NTM: variants seen among roughly 807,000 people sequenced by gnomAD.
The protein encoded by NTM is neurotrimin.
In NTM, 13 loss-of-function variants were observed where a neutral mutation model predicts 42.1. The observed-to-expected ratio is 0.31, with a 90% CI of 0.20 to 0.49. The LOEUF (loss-of-function observed/expected upper bound fraction) is 0.49, where lower values mean the gene tolerates loss of function less well. Among genes scored for constraint, NTM ranks in the 20% least tolerant of loss-of-function variants. The probability of loss-of-function intolerance (pLI) is 0.99; values close to 1 mark genes in which losing one functional copy is unlikely to be tolerated. For synonymous variants in NTM, 187 were observed against 179.2 expected (o/e 1.04, Z -0.35); for missense variants, 373 against 452.8 (o/e 0.82, Z 1.60).
chr11:131,421,895 T>G (rs1176911129), intron 1 of NTM, among the ~76,000 whole-genome samples: 3 of 152,198 alleles, frequency 2.0e-5, no homozygotes, highest in Admixed American at 1.3e-4. Context: ...GGGTTGTGCC[T>G]GTAAATGCAT....
chr11:132,126,353 T>A (rs1160332790), intron 2 of NTM, among the ~76,000 whole-genome samples: 1 of 152,066 alleles, frequency 6.6e-6, no homozygotes, highest in Non-Finnish European at 1.5e-5. Context: ...TGCCAGTTAT[T>A]TATTATGGGA....
chr11:131,633,620 C>CCTCTCTCCCTCT (rs2063909523), intron 1 of NTM, among the ~76,000 whole-genome samples: 1 of 108,986 alleles, frequency 9.2e-6, no homozygotes, highest in Admixed American at 1.0e-4. Context: ...TCACTCTCTC[C>CCTCTCTCCCTCT]CTCTCTCTAT....
intron 1 of NTM, among the ~76,000 whole-genome samples, chr11:131,890,178 G>T (rs142421422): frequency 1.8e-5 from 1 of 56,518 alleles, no homozygotes; most frequent in Non-Finnish European, 3.9e-5. Context: ...CTCTCTCTCT[G>T]TCTCTCTCTC....
chr11:131,472,488 T>A (rs1200542007), intron 1 of NTM, among the ~76,000 whole-genome samples: 1 of 152,042 alleles, frequency 6.6e-6, no homozygotes, highest in African/African-American at 2.4e-5. Flanking sequence ...TGTGTGTGAA[T>A]GTGTGTGTGT....
chr11:132,243,590 C>T (rs910671797), intron 4 of NTM, among the ~76,000 whole-genome samples: 1 of 152,184 alleles, frequency 6.6e-6, no homozygotes, highest in Non-Finnish European at 1.5e-5. Flanking sequence ...TCATCCTTAG[C>T]CCATGCCTGG....
chr11:131,460,843 C>G (rs761490757), intron 1 of NTM, among the ~76,000 whole-genome samples: 1 of 152,136 alleles, frequency 6.6e-6, no homozygotes, highest in Non-Finnish European at 1.5e-5. Flanking sequence ...CGTGAACCAC[C>G]GCGCCCTGCC....
At chr11:131,609,159 G>A (rs75307220) in intron 1 of NTM, among the ~76,000 whole-genome samples, 5,735 of 152,276 alleles carry the variant, frequency 0.038, 345 homozygotes, top group African/African-American at 0.13. Context: ...GGCCCTGCAC[G>A]GCTCTCTGCT....
At chr11:131,739,341 T>C (rs1459181039) in intron 1 of NTM, among the ~76,000 whole-genome samples, 2 of 152,148 alleles carry the variant, frequency 1.3e-5, no homozygotes, top group Admixed American at 6.5e-5. Flanking sequence ...GTATGAGTAT[T>C]ATAAGTCAGT....
chr11:132,185,790 C>T (rs1011377828), intron 3 of NTM, among the ~76,000 whole-genome samples: 3 of 152,022 alleles, frequency 2.0e-5, no homozygotes, highest in Non-Finnish European at 4.4e-5. Context: ...GGAGAGAGCC[C>T]AGGATGGAGT....
intron 1 of NTM, among the ~76,000 whole-genome samples, chr11:131,578,432 T>C (rs2058117496): frequency 6.6e-6 from 1 of 152,050 alleles, no homozygotes. Flanking sequence ...GGCCAGTGCA[T>C]TTAGGGACAA....
intron 2 of NTM, among the ~76,000 whole-genome samples, chr11:132,108,449 A>G (rs538652700): frequency 6.6e-6 from 1 of 152,296 alleles, no homozygotes; most frequent in East Asian, 1.9e-4. Context: ...AACAGACATC[A>G]TATGTTCTCA....
chr11:131,824,184 AC>A (rs1056601001), intron 1 of NTM, among the ~76,000 whole-genome samples: 4 of 152,206 alleles, frequency 2.6e-5, no homozygotes, highest in Non-Finnish European at 5.9e-5. Flanking sequence ...AGTGGGCATA[AC>A]TTTACTTACA....
chr11:132,010,443 C>T (rs1448854144), intron 2 of NTM, among the ~76,000 whole-genome samples: 1 of 152,174 alleles, frequency 6.6e-6, no homozygotes, highest in Non-Finnish European at 1.5e-5. Context: ...TCATACCTTC[C>T]CAGCCTCTAG....
chr11:132,105,670 C>T (rs1054661911), intron 2 of NTM, among the ~76,000 whole-genome samples: 1 of 152,110 alleles, frequency 6.6e-6, no homozygotes, highest in Non-Finnish European at 1.5e-5. Flanking sequence ...ACTAATTGTC[C>T]TTAATTGTCA....
At chr11:132,231,259 C>T (rs781256097) in intron 4 of NTM, among the ~76,000 whole-genome samples, 7 of 152,190 alleles carry the variant, frequency 4.6e-5, no homozygotes, top group Admixed American at 6.5e-5. Flanking sequence ...TTGGCCTATA[C>T]TATTCTCAGA....
At chr11:132,064,910 C>T (rs566722867) in intron 2 of NTM, among the ~76,000 whole-genome samples, 24 of 152,310 alleles carry the variant, frequency 1.6e-4, no homozygotes, top group South Asian at 8.3e-4. Context: ...TCATTTTACC[C>T]GTGTTTCCTC....
intron 1 of NTM, among the ~76,000 whole-genome samples, chr11:131,612,217 T>C (rs564219225): frequency 1.4e-4 from 22 of 152,304 alleles, no homozygotes; most frequent in Non-Finnish European, 2.5e-4. Context: ...AACCCCTGCC[T>C]GCAACCCCAG....
chr11:131,707,595 A>G (rs569047497), intron 1 of NTM, among the ~76,000 whole-genome samples: 105 of 152,222 alleles, frequency 6.9e-4, no homozygotes, highest in African/African-American at 2.1e-3. Flanking sequence ...TGGTTATACT[A>G]ATTAACATTC....
At chr11:132,053,813 T>C (rs960044692) in intron 2 of NTM, among the ~76,000 whole-genome samples, 1 of 152,262 alleles carries the variant, frequency 6.6e-6, no homozygotes, top group East Asian at 1.9e-4. Flanking sequence ...TTTTTTGTGC[T>C]GATTACCCTA....
Sources: gnomAD v4.1 joint callset for allele counts (sites outside exome capture counted in the v4.1 genomes callset) on GRCh38, gnomAD v4.1.1 for gene constraint, MANE v1.5 for transcripts, NCBI Gene and HGNC (gene_info 2026-07-23, HGNC 2026-07-21) for gene names.